CAPSL: variants seen among roughly 807,000 people sequenced by gnomAD.
CAPSL encodes the protein calcyphosin-like protein.
CAPSL carries 17 observed loss-of-function variants against 21.3 expected under a neutral mutation model. The observed-to-expected ratio is 0.80, with a 90% confidence interval of 0.55 to 1.20. CAPSL has a LOEUF of 1.20. Ranked by LOEUF, CAPSL falls within the 50% of genes most tolerant of loss-of-function variation. The pLI, the probability that CAPSL is intolerant of heterozygous loss-of-function variation, is 0.00. For missense variants in CAPSL, 289 were observed against 259.3 expected (o/e 1.11, Z -0.79); for synonymous variants, 102 against 89.3 (o/e 1.14, Z -0.80).
chr5:35,909,126 A>G (rs1385230534), intron 4 of CAPSL, among the ~76,000 whole-genome samples: 1 of 150,984 alleles, frequency 6.6e-6, no homozygotes, highest in Non-Finnish European at 1.5e-5. Context: ...AGGGCTGTTG[A>G]TAAAGGACAG....
chr5:35,920,100 C>A (rs925378964), intron 2 of CAPSL, among the ~76,000 whole-genome samples: 6 of 152,128 alleles, frequency 3.9e-5, no homozygotes, highest in Non-Finnish European at 7.4e-5. Flanking sequence ...CAGAGCTGGG[C>A]TTAGTCTGAG....
chr5:35,916,950 T>G (rs1738406496), intron 2 of CAPSL, among the ~76,000 whole-genome samples: 1 of 152,002 alleles, frequency 6.6e-6, no homozygotes, highest in Admixed American at 6.5e-5. Flanking sequence ...GGGAGAAAAT[T>G]TTTGCAACCT....
chr5:35,911,280 G>A (rs755355952), intron 2 of CAPSL, among the ~76,000 whole-genome samples: 5 of 152,270 alleles, frequency 3.3e-5, no homozygotes, highest in East Asian at 1.9e-4. Context: ...CAAAAAGTAC[G>A]ATATGGAAAA....
At chr5:35,927,297 T>C (rs1738710595) in intron 1 of CAPSL, among the ~76,000 whole-genome samples, 1 of 152,226 alleles carries the variant, frequency 6.6e-6, no homozygotes, top group Non-Finnish European at 1.5e-5. Context: ...TAAGCCCATT[T>C]TCCCCATAGC....
chr5:35,923,832 G>C (rs756201748), intron 1 of CAPSL, among the ~76,000 whole-genome samples: 1 of 152,064 alleles, frequency 6.6e-6, no homozygotes, highest in Non-Finnish European at 1.5e-5. Flanking sequence ...TGACATAGAC[G>C]GTGGTTTATC....
In CAPSL at chr5:35,909,086, G is replaced by GT. The variant is rs34466604; in HGVS notation, c.525+779dup. 3.4e-3 allele frequency among the ~76,000 whole-genome samples: 495 copies of GT among 144,824 alleles called. 5 individuals carry two copies. The highest frequency in any genetic ancestry group is 0.011 in the African/African-American group (424 of 39,544). ...CATCTAAGAACAGAACTGGCTCAGG[G>GT]TTTTTTTTTTTTTTCTAAAAAGTCA... On this transcript the variant is annotated intron_variant, in intron 4 of 4. Coordinates refer to ENST00000651391, the MANE Select transcript of CAPSL (RefSeq NM_001042625.2).
At chr5:35,931,450 AAC>A (rs370866754) in intron 1 of CAPSL, among the ~76,000 whole-genome samples, 15 of 152,078 alleles carry the variant, frequency 9.9e-5, no homozygotes, top group African/African-American at 3.6e-4. Context: ...AAAAAAAAAA[AAC>A]AAGGTTTAAT....
chr5:35,910,884 C>A (rs1415853053), intron 2 of CAPSL, among the ~76,000 whole-genome samples: 1 of 152,184 alleles, frequency 6.6e-6, no homozygotes, highest in Admixed American at 6.5e-5. Flanking sequence ...GGATACATGA[C>A]ATTATGCATT....
At chr5:35,928,045 G>A (rs900479749) in intron 1 of CAPSL, among the ~76,000 whole-genome samples, 1 of 152,188 alleles carries the variant, frequency 6.6e-6, no homozygotes, top group African/African-American at 2.4e-5. Context: ...CAAGGTATCA[G>A]CTGATTTGGT....
intron 2 of CAPSL, among the ~76,000 whole-genome samples, chr5:35,918,684 G>C (rs569917586): frequency 4.6e-5 from 7 of 152,240 alleles, no homozygotes; most frequent in Non-Finnish European, 8.8e-5. Flanking sequence ...CTAAAAATTT[G>C]AACTTTATTA....
intron 1 of CAPSL, among the ~76,000 whole-genome samples, chr5:35,934,116 C>T (rs1237997996): frequency 6.6e-6 from 1 of 152,184 alleles, no homozygotes; most frequent in Non-Finnish European, 1.5e-5. Flanking sequence ...TTATACAAAG[C>T]TGTCTGATAT....
chr5:35,910,375 G>A lies in CAPSL; in HGVS notation c.306C>T (p.Leu102=). ...NGTIDFNEFL[L]TLRPPMSRAR... ...TAATGGGGCCACTTACTCTTAATGT[G>A]AGAAGAAATTCATTGAAGTCTATTG... The change falls in exon 3 of 5, where the codon CTC becomes CTT. Residue 102 remains leucine (L), a synonymous_variant. Transcript: ENST00000651391. 6.2e-7 allele frequency: 1 copy of A among 1,613,242 alleles called. No homozygotes were observed.
At chr5:35,919,439 A>G (rs1738479732) in intron 2 of CAPSL, among the ~76,000 whole-genome samples, 1 of 152,190 alleles carries the variant, frequency 6.6e-6, no homozygotes. Context: ...TGAAGGTGCC[A>G]AGGTTATAAA....
At chr5:35,926,798 T>A (rs1210094636) in intron 1 of CAPSL, among the ~76,000 whole-genome samples, 1 of 152,170 alleles carries the variant, frequency 6.6e-6, no homozygotes, top group Non-Finnish European at 1.5e-5. Context: ...CGCTTTTACA[T>A]CCTCTTTGTT....
At position 35,910,535 on chromosome 5, in the gene CAPSL, C is replaced by A. The variant is rs1183992242; in HGVS notation, c.146G>T (p.Arg49Ile). The A allele has an allele frequency of 1.9e-6, 3 of 1,599,086 alleles. No homozygotes were observed. The Admixed American group carries it at 5.1e-5, about 27-fold the overall frequency. The part of the protein sequence containing the change: ...AGIKGLGRVF[R>I]IMDDDNNRTL... Reference sequence around the variant, plus strand: ...TCGATTATTATCGTCATCCATAATTCTAAACACTCTGAAGAAAATACACAC... The same window carrying A: ...TCGATTATTATCGTCATCCATAATTATAAACACTCTGAAGAAAATACACAC... The change falls in exon 3 of 5, where the codon AGA becomes ATA. Residue 49 changes from arginine to isoleucine, a missense_variant. Transcript: ENST00000651391.
At chr5:35,907,850 G>A (rs551665282) in intron 4 of CAPSL, among the ~76,000 whole-genome samples, 201 of 152,316 alleles carry the variant, frequency 1.3e-3, no homozygotes, top group African/African-American at 4.7e-3. Flanking sequence ...CAATTTGCAA[G>A]AGGTAAATTT....
chr5:35,914,667 C>A (rs1738324870), intron 2 of CAPSL, among the ~76,000 whole-genome samples: 1 of 151,892 alleles, frequency 6.6e-6, no homozygotes. Flanking sequence ...CCAACGAGAA[C>A]AAAGACACAA....
At chr5:35,913,482 A>T (rs1470442336) in intron 2 of CAPSL, among the ~76,000 whole-genome samples, 1 of 152,214 alleles carries the variant, frequency 6.6e-6, no homozygotes, top group Admixed American at 6.5e-5. Context: ...CCACAAAGGG[A>T]AGCCCATCAG....
At chr5:35,917,067 G>A (rs1053566163) in intron 2 of CAPSL, among the ~76,000 whole-genome samples, 2 of 151,982 alleles carry the variant, frequency 1.3e-5, no homozygotes, top group South Asian at 2.1e-4. Flanking sequence ...ATATGAACAG[G>A]CACTTCTCAA....
Sources: allele counts gnomAD v4.1 joint callset (sites outside exome capture counted in the v4.1 genomes callset), GRCh38; gene constraint gnomAD v4.1.1; transcripts MANE v1.5; gene names NCBI Gene and HGNC (gene_info 2026-07-23, HGNC 2026-07-21).